The following VEPH1 variants were observed in gnomAD, a reference collection of about 807,000 sequenced individuals.
VEPH1 encodes the protein ventricular zone expressed PH domain containing 1.
In VEPH1, 80 loss-of-function variants were observed where a neutral mutation model predicts 85.2. The observed-to-expected ratio is 0.94, with a 90% CI of 0.78 to 1.13. The LOEUF (loss-of-function observed/expected upper bound fraction) is 1.13. Ranked by LOEUF, VEPH1 falls within the 50% of genes most tolerant of loss-of-function variation. The pLI is 0.00. For missense variants in VEPH1, 955 were observed against 980.5 expected, an observed-to-expected ratio of 0.97 and a Z score of 0.35; for synonymous variants, 297 against 348.0, an observed-to-expected ratio of 0.85 and a Z score of 1.63.
intron 4 of VEPH1, among the ~76,000 whole-genome samples, chr3:157,452,948 G>C (rs768220696): frequency 1.3e-5 from 2 of 152,078 alleles, no homozygotes; most frequent in African/African-American, 4.8e-5. Flanking sequence ...TGCTGCAGCC[G>C]ACTCCCATTC....
intron 11 of VEPH1, among the ~76,000 whole-genome samples, chr3:157,291,518 C>T (rs1717469831): frequency 6.6e-6 from 1 of 152,160 alleles, no homozygotes; most frequent in Non-Finnish European, 1.5e-5. Context: ...TTCATAGCAC[C>T]TGGTATCAGG....
In VEPH1 at chr3:157,263,675, C is replaced by A. The variant is rs374604915; in HGVS notation, c.2265+1851G>T. On this transcript the variant is annotated intron_variant, in intron 13 of 13. Coordinates refer to ENST00000362010, the MANE Select transcript of VEPH1 (RefSeq NM_001167912.2). ...CCATCTGTATATGTTATAACACACA[C>A]AGATGAAGAAAGTAGCATGACTACA... Among the ~76,000 whole-genome samples the A allele has an allele frequency of 4.6e-5, 7 of 152,078 alleles. No homozygotes were observed. In the East Asian group the frequency reaches 9.6e-4, roughly 21 times the overall value.
intron 11 of VEPH1, among the ~76,000 whole-genome samples, chr3:157,311,128 C>G (rs1720066626): frequency 6.6e-6 from 1 of 152,214 alleles, no homozygotes; most frequent in Non-Finnish European, 1.5e-5. Context: ...ATGGTCAATA[C>G]AGCAAAATCC....
At position 157,261,136 on chromosome 3, in the gene VEPH1, AC is replaced by A; in HGVS notation, c.2499del (p.Ter834ArgfsTer4). ...ERESREVTTYL is the reference protein window; with the variant it reads ...ERESREVTTYX Reference sequence around the variant, plus strand: ...TGTCATGGCTGACTTATAAATCCCTACAGATATGTGGTTACTTCTCTACTTT... The same window carrying A: ...TGTCATGGCTGACTTATAAATCCCTAAGATATGTGGTTACTTCTCTACTTT... On this transcript the variant is annotated frameshift_variant, in exon 14 of 14. Transcript: ENST00000362010. LOFTEE classifies it high-confidence loss of function. 6.2e-7 allele frequency: 1 copy of A among 1,613,432 alleles called. No homozygotes were observed. Among genetic ancestry groups the A allele is most frequent in the Non-Finnish European group, 8.5e-7 (1 of 1,179,640 alleles).
intron 2 of VEPH1, among the ~76,000 whole-genome samples, chr3:157,481,903 TTTGTCAAAACATTGCTAAGTTTTTG>T (rs1481798952): frequency 4.6e-5 from 7 of 152,008 alleles, no homozygotes; most frequent in African/African-American, 1.7e-4. Context: ...AGTTTTTGAC[TTTGTCAAAACATTGCTAAGTTTTTG>T]ACTTTGTCAA....
chr3:157,347,651 C>A (rs1724381137), intron 9 of VEPH1, among the ~76,000 whole-genome samples: 1 of 152,210 alleles, frequency 6.6e-6, no homozygotes, highest in South Asian at 2.1e-4. Context: ...CGTGGAGGCA[C>A]CAGGCCTCTG....
At chr3:157,286,343 T>A in intron 12 of VEPH1, 1 of 579,978 alleles carries the variant, frequency 1.7e-6, no homozygotes, top group Non-Finnish European at 3.1e-6. Context: ...CACATATAGG[T>A]AAGGGATTGT....
chr3:157,443,157 AT>A (rs1446528255), intron 4 of VEPH1: 1 of 720,514 alleles, frequency 1.4e-6, no homozygotes, highest in Non-Finnish European at 2.1e-6. Flanking sequence ...AAGGAAAGAC[AT>A]TGGAAAAAGC....
chr3:157,373,078 C>T (rs1442452568), intron 7 of VEPH1, among the ~76,000 whole-genome samples: 1 of 152,200 alleles, frequency 6.6e-6, no homozygotes, highest in African/African-American at 2.4e-5. Flanking sequence ...AATTGCTTCT[C>T]ACACAATCAA....
At chr3:157,396,468 G>T (rs571732953) in intron 6 of VEPH1, among the ~76,000 whole-genome samples, 1 of 152,154 alleles carries the variant, frequency 6.6e-6, no homozygotes, top group Admixed American at 6.5e-5. Flanking sequence ...TAATGAGATT[G>T]CTGGGTCAAA....
intron 4 of VEPH1, among the ~76,000 whole-genome samples, chr3:157,453,666 C>A (rs1039029854): frequency 6.6e-6 from 1 of 151,922 alleles, no homozygotes; most frequent in Admixed American, 6.6e-5. Flanking sequence ...AAAAAGAAAC[C>A]CCATGATGAC....
intron 9 of VEPH1, among the ~76,000 whole-genome samples, chr3:157,335,821 C>A (rs374988730): frequency 6.6e-6 from 1 of 152,248 alleles, no homozygotes; most frequent in East Asian, 1.9e-4. Context: ...ACTCCAGTGA[C>A]CCTTGAAGTT....
chr3:157,478,391 C>T (rs1577760732), intron 2 of VEPH1, among the ~76,000 whole-genome samples: 1 of 152,100 alleles, frequency 6.6e-6, no homozygotes, highest in African/African-American at 2.4e-5. Context: ...TGGTAATCAC[C>T]ATTTCAGAGT....
intron 12 of VEPH1, among the ~76,000 whole-genome samples, chr3:157,281,101 T>TGTGTGTGAGA (rs371002819): frequency 0.22 from 33,280 of 148,232 alleles, 3,742 homozygotes; most frequent in Non-Finnish European, 0.26. Flanking sequence ...TGTGTGTGTG[T>TGTGTGTGAGA]GAGAGAGAGA....
At chr3:157,300,881 G>T (rs558111755) in intron 11 of VEPH1, among the ~76,000 whole-genome samples, 25 of 152,194 alleles carry the variant, frequency 1.6e-4, no homozygotes, top group Non-Finnish European at 3.1e-4. Flanking sequence ...GGGAGGCAAA[G>T]TTTAGAATTT....
intron 13 of VEPH1, among the ~76,000 whole-genome samples, chr3:157,261,658 A>T (rs1218238052): frequency 2.6e-5 from 4 of 152,138 alleles, no homozygotes; most frequent in Admixed American, 2.6e-4. Flanking sequence ...TATTAACGTT[A>T]TATTAATAGA....
At chr3:157,291,582 A>G (rs1717481266) in intron 11 of VEPH1, among the ~76,000 whole-genome samples, 2 of 152,232 alleles carry the variant, frequency 1.3e-5, no homozygotes, top group Admixed American at 6.5e-5. Context: ...GGAGGTGAGA[A>G]GGTAATTCAT....
intron 11 of VEPH1, among the ~76,000 whole-genome samples, chr3:157,304,149 C>T (rs962730548): frequency 1.8e-4 from 27 of 151,436 alleles, no homozygotes. Context: ...TAGATCTAAG[C>T]CTGTGGGAGC....
chr3:157,394,736 G>A (rs572942827), intron 6 of VEPH1, among the ~76,000 whole-genome samples: 1 of 152,248 alleles, frequency 6.6e-6, no homozygotes, highest in East Asian at 1.9e-4. Context: ...CTTGAGAGCA[G>A]CATACCTCAC....
Sources: gnomAD v4.1 joint callset for allele counts (sites outside exome capture counted in the v4.1 genomes callset) on GRCh38, gnomAD v4.1.1 for gene constraint, MANE v1.5 for transcripts, NCBI Gene and HGNC (gene_info 2026-07-23, HGNC 2026-07-21) for gene names.